NAV3: variants seen among roughly 807,000 people sequenced by gnomAD.
NAV3 encodes the protein neuron navigator 3.
In NAV3, 87 loss-of-function variants were observed where a neutral mutation model predicts 244.7. The ratio of observed to expected loss-of-function variants is 0.36; its 90% confidence interval spans 0.30 to 0.42. NAV3 has a LOEUF of 0.42. Ranked by LOEUF, NAV3 falls within the 20% of genes least tolerant of loss-of-function variation. NAV3 has a pLI of 1.00. For synonymous variants in NAV3, 1,126 were observed against 1,042.2 expected (o/e 1.08, Z -1.55); for missense variants, 2,663 against 2,893.3 (o/e 0.92, Z 1.83).
chr12:78,133,725 G>A (rs1956261236), intron 18 of NAV3, among the ~76,000 whole-genome samples: 1 of 152,054 alleles, frequency 6.6e-6, no homozygotes. Flanking sequence ...GCTAGCCCTA[G>A]TAGAAACCAT....
intron 2 of NAV3, among the ~76,000 whole-genome samples, chr12:77,739,966 A>C (rs557670343): frequency 1.3e-5 from 2 of 152,228 alleles, no homozygotes; most frequent in Non-Finnish European, 2.9e-5. Context: ...TTGAATTATA[A>C]TACAAAGTGC....
intron 2 of NAV3, among the ~76,000 whole-genome samples, chr12:77,745,989 A>G (rs1205512464): frequency 2.7e-5 from 1 of 37,488 alleles, no homozygotes; most frequent in African/African-American, 6.9e-5. Flanking sequence ...GACTTAAGGT[A>G]AAAAAAAAAA....
At chr12:78,002,277 A>G (rs1199172373) in intron 7 of NAV3, among the ~76,000 whole-genome samples, 1 of 152,156 alleles carries the variant, frequency 6.6e-6, no homozygotes, top group East Asian at 1.9e-4. Flanking sequence ...CATGTTGCTA[A>G]GAAACATGCC....
At chr12:77,990,331 G>A (rs527368960) in intron 5 of NAV3, among the ~76,000 whole-genome samples, 4 of 152,256 alleles carry the variant, frequency 2.6e-5, no homozygotes, top group African/African-American at 9.6e-5. Context: ...AAGAAAAGTT[G>A]GTCAACAGGA....
In NAV3 at chr12:78,050,115, T is replaced by C; in HGVS notation, c.2132+14T>C. Reference sequence around the variant, plus strand: ...GATAAGCCACAGGTTTTTTTCAATTTTGCATATATTTGAGCCAATAAAGAA... The same window carrying C: ...GATAAGCCACAGGTTTTTTTCAATTCTGCATATATTTGAGCCAATAAAGAA... On this transcript the variant is annotated intron_variant, in intron 10 of 39. Transcript: ENST00000397909. The C allele has an allele frequency of 1.3e-6, 2 of 1,552,832 alleles. No individual in the cohort carries two copies. The highest frequency in any genetic ancestry group is 8.8e-7 in the Non-Finnish European group (1 of 1,134,348).
chr12:78,075,873 T>C (rs1953023546), intron 12 of NAV3, among the ~76,000 whole-genome samples: 1 of 152,202 alleles, frequency 6.6e-6, no homozygotes, highest in Admixed American at 6.5e-5. Context: ...CTCTCAGTCC[T>C]ATATAATTCA....
chr12:78,122,224 T>C lies in NAV3; in HGVS notation c.4034T>C (p.Val1345Ala), dbSNP rs1374604184. The C allele has an allele frequency of 7.4e-6, 12 of 1,613,970 alleles. No individual in the cohort carries two copies. Among genetic ancestry groups the C allele is most frequent in the Non-Finnish European group, 1.0e-5 (12 of 1,180,022 alleles). ...CACTCTTTCACATCAGGTGGTCTCG[T>C]GTGGGCTGCCAATATGAGCAGTTCC... ...SVHSFTSGGL[V>A]WAANMSSSSA... Residue 1345 changes from valine (V) to alanine (A), a missense_variant, in exon 16 of 40, where the codon GTG becomes GCG. Coordinates refer to ENST00000397909, the MANE Select transcript of NAV3 (RefSeq NM_001024383.2).
chr12:77,667,227 G>A (rs1028958137), intron 2 of NAV3, among the ~76,000 whole-genome samples: 10 of 152,078 alleles, frequency 6.6e-5, no homozygotes, highest in East Asian at 1.9e-4. Context: ...AAGAAATACC[G>A]CAGGAACATA....
intron 9 of NAV3, among the ~76,000 whole-genome samples, chr12:78,041,876 T>G (rs149453586): frequency 2.6e-4 from 40 of 152,322 alleles, no homozygotes; most frequent in African/African-American, 9.4e-4. Context: ...CATCTTGACT[T>G]CCCTATGTGA....
At chr12:77,825,858 A>G (rs1353518091) in intron 2 of NAV3, among the ~76,000 whole-genome samples, 1 of 152,222 alleles carries the variant, frequency 6.6e-6, no homozygotes, top group African/African-American at 2.4e-5. Context: ...GACAAACAAA[A>G]AGTGGGCAAG....
chr12:77,634,437 T>G (rs1872064175), intron 2 of NAV3, among the ~76,000 whole-genome samples: 1 of 152,224 alleles, frequency 6.6e-6, no homozygotes, highest in Non-Finnish European at 1.5e-5. Flanking sequence ...TTCTTTGTTT[T>G]AAATGGTGTC....
At chr12:78,140,897 T>C (rs1449450547) in intron 20 of NAV3, among the ~76,000 whole-genome samples, 2 of 151,362 alleles carry the variant, frequency 1.3e-5, no homozygotes, top group Non-Finnish European at 2.9e-5. Flanking sequence ...TATTTATTTA[T>C]TTATTTATTT....
chr12:78,198,822 T>C (rs1959279739), intron 36 of NAV3, 146 bp downstream of exon 36: 1 of 615,026 alleles, frequency 1.6e-6, no homozygotes, highest in African/African-American at 1.9e-5. Context: ...AGAGATGACC[T>C]GTGGTGTGAA....
chr12:77,598,357 G>T (rs1159590341), intron 2 of NAV3, among the ~76,000 whole-genome samples: 1 of 151,814 alleles, frequency 6.6e-6, no homozygotes, highest in Non-Finnish European at 1.5e-5. Context: ...ATTTTTATTT[G>T]GTCCAGTAAT....
chr12:77,891,187 T>C (rs998428162), intron 1 of NAV3, among the ~76,000 whole-genome samples: 14 of 151,168 alleles, frequency 9.3e-5, no homozygotes, highest in Non-Finnish European at 5.9e-5. Flanking sequence ...GTAATTTAGG[T>C]AGGGCCTTTT....
At chr12:78,145,817 A>G (rs1388148585) in intron 20 of NAV3, among the ~76,000 whole-genome samples, 5 of 152,204 alleles carry the variant, frequency 3.3e-5, no homozygotes, top group African/African-American at 1.2e-4. Context: ...ATCATTAAAG[A>G]AAGAAAAAGT....
chr12:78,157,431 C>A lies in NAV3; in HGVS notation c.4786-1772C>A, dbSNP rs1216097925. 5.3e-5 allele frequency among the ~76,000 whole-genome samples: 8 copies of A among 150,098 alleles called. No homozygotes were observed. The East Asian group carries it at 1.6e-3, about 29-fold the overall frequency. ...AAAAAAGTAGCTGGGCATGTTGGTACATGCCTATAGTTCTTGCTACTTGGG... is the reference window on the plus strand; with the variant it reads ...AAAAAAGTAGCTGGGCATGTTGGTAAATGCCTATAGTTCTTGCTACTTGGG... On this transcript the variant is annotated intron_variant, in intron 22 of 39. Transcript: ENST00000397909.
chr12:77,640,009 G>A (rs555242036), intron 2 of NAV3, among the ~76,000 whole-genome samples: 1 of 152,160 alleles, frequency 6.6e-6, no homozygotes, highest in Non-Finnish European at 1.5e-5. Context: ...AAAGATACTT[G>A]TATGTTGTCT....
intron 12 of NAV3, among the ~76,000 whole-genome samples, chr12:78,100,651 C>T (rs1391269377): frequency 6.6e-6 from 1 of 152,118 alleles, no homozygotes; most frequent in South Asian, 2.1e-4. Context: ...CTGCTCAATA[C>T]TATCTGATTT....
Sources: allele counts gnomAD v4.1 joint callset (sites outside exome capture counted in the v4.1 genomes callset), GRCh38; gene constraint gnomAD v4.1.1; transcripts MANE v1.5; gene names NCBI Gene and HGNC (gene_info 2026-07-23, HGNC 2026-07-21).